The following SHOC1 variants were observed in gnomAD, a reference collection of about 807,000 sequenced individuals.
SHOC1 encodes protein shortage in chiasmata 1 ortholog.
In SHOC1, 136 loss-of-function variants were observed where a neutral mutation model predicts 179.2. The ratio of observed to expected loss-of-function variants is 0.76; its 90% confidence interval spans 0.66 to 0.87. The LOEUF (loss-of-function observed/expected upper bound fraction) is 0.87. Ranked by LOEUF, SHOC1 falls within the 40% of genes least tolerant of loss-of-function variation. The probability of loss-of-function intolerance (pLI) is 0.00; values close to 1 mark genes in which losing one functional copy is unlikely to be tolerated. For missense variants in SHOC1, 1,538 were observed against 1,700.8 expected, an observed-to-expected ratio of 0.90 and a Z score of 1.68; for synonymous variants, 489 against 586.6, an observed-to-expected ratio of 0.83 and a Z score of 2.41.
rs1347625590 is a variant in SHOC1 at position 111,758,156 on chromosome 9, C to G, written c.636G>C (p.Val212=). ...FSLQETLEAF[V]KEDFCMDKVN... ...CTTTATCCATACAAAAATCTTCTTTCACAAAAGCTTCCAAAGTTTCTTGAA... is the reference window on the plus strand; with the variant it reads ...CTTTATCCATACAAAAATCTTCTTTGACAAAAGCTTCCAAAGTTTCTTGAA... Residue 212 remains valine, a synonymous_variant, in exon 7 of 28, where the codon GTG becomes GTC. Coordinates refer to ENST00000682961, the MANE Select transcript of SHOC1 (RefSeq NM_001378211.1). The G allele has an allele frequency of 6.3e-7, 1 of 1,585,982 alleles. No individual in the cohort carries two copies. The highest frequency in any genetic ancestry group is 8.6e-7 in the Non-Finnish European group (1 of 1,165,900).
chr9:111,723,191 AT>A (rs1833146758), intron 14 of SHOC1, among the ~76,000 whole-genome samples: 1 of 152,228 alleles, frequency 6.6e-6, no homozygotes, highest in African/African-American at 2.4e-5. Flanking sequence ...CTGTTAGCAT[AT>A]GATCTTAAGC....
intron 4 of SHOC1, among the ~76,000 whole-genome samples, chr9:111,778,282 A>C (rs1835903349): frequency 6.6e-6 from 1 of 152,118 alleles, no homozygotes; most frequent in African/African-American, 2.4e-5. Flanking sequence ...TTTTTGAGTA[A>C]GTTCATCTAC....
Position 111,706,607 on chromosome 9 carries a change from T to C in SHOC1, c.2698A>G (p.Met900Val), listed in dbSNP as rs1832286907. 2.5e-6 allele frequency: 4 copies of C among 1,597,482 alleles called. No homozygotes were observed. Among genetic ancestry groups the C allele is most frequent in the East Asian group, 4.6e-5 (2 of 43,912 alleles). Residue 900 changes from methionine (M) to valine (V), a missense_variant, in exon 20 of 28, where the codon ATG becomes GTG. Transcript: ENST00000682961. ...TCTGGAAGAATCACTTTAAAGGCCA[T>C]GTAAGGAATATTCAACTCTTTGCAG... ...KHCKELNIPYMAFKVILPDTV... is the reference protein window; with the variant it reads ...KHCKELNIPYVAFKVILPDTV...
At chr9:111,741,287 C>T (rs1834026777) in intron 11 of SHOC1, among the ~76,000 whole-genome samples, 189 bp downstream of exon 11, 1 of 152,112 alleles carries the variant, frequency 6.6e-6, no homozygotes, top group East Asian at 1.9e-4. Flanking sequence ...CAGCAAGATC[C>T]GGATCTTGTC....
intron 8 of SHOC1, among the ~76,000 whole-genome samples, chr9:111,751,316 G>A (rs62572565): frequency 0.076 from 11,535 of 152,162 alleles, 630 homozygotes; most frequent in South Asian, 0.21. Context: ...GGATTATCTT[G>A]GCTATTTGGG....
At chr9:111,693,147 A>C (rs1431776013) in intron 26 of SHOC1, among the ~76,000 whole-genome samples, 1 of 151,764 alleles carries the variant, frequency 6.6e-6, no homozygotes, top group African/African-American at 2.4e-5. Flanking sequence ...CTCTACTAAA[A>C]ATACAAAACT....
At chr9:111,786,903 T>C (rs1836280415) in intron 2 of SHOC1, among the ~76,000 whole-genome samples, 2 of 152,212 alleles carry the variant, frequency 1.3e-5, no homozygotes, top group Admixed American at 6.5e-5. Flanking sequence ...GCTAATGCAG[T>C]TGGTGATTTT....
chr9:111,713,194 A>G (rs1317495729), intron 17 of SHOC1, 22 bp from the exon 18 acceptor site: 3 of 1,278,098 alleles, frequency 2.3e-6, no homozygotes, highest in Admixed American at 4.1e-5. Flanking sequence ...TAAAAATTTC[A>G]TATATATGTG....
In SHOC1 at chr9:111,688,082, T is replaced by TACC. The variant is rs34775934; in HGVS notation, c.4427-1215_4427-1213dup. Reference sequence around the variant, plus strand: ...TGTAAAGCTGTGGGAGAGCCTGGACTACCAGTAGCATTCTGGTAAACGTTT... The same window carrying TACC: ...TGTAAAGCTGTGGGAGAGCCTGGACTACCACCAGTAGCATTCTGGTAAACGTTT... On this transcript the variant is annotated intron_variant, in intron 27 of 27. Coordinates refer to ENST00000682961, the MANE Select transcript of SHOC1 (RefSeq NM_001378211.1). 9.1e-3 allele frequency among the ~76,000 whole-genome samples: 1,383 copies of TACC among 152,298 alleles called. 22 individuals are homozygous for TACC. Among genetic ancestry groups the TACC allele is most frequent in the South Asian group, 0.044 (213 of 4,822 alleles).
At chr9:111,746,162 A>G in intron 10 of SHOC1, 72 bp downstream of exon 10, 1 of 1,013,246 alleles carries the variant, frequency 9.9e-7, no homozygotes, top group Non-Finnish European at 1.5e-6. Flanking sequence ...AATTGCTTTT[A>G]TATGGAGAGA....
chr9:111,738,859 C>T (rs1833919632), intron 11 of SHOC1, among the ~76,000 whole-genome samples: 1 of 152,118 alleles, frequency 6.6e-6, no homozygotes. Context: ...TGAAGTAATA[C>T]AAGCTTTATT....
chr9:111,748,776 T>C (rs1834415430), intron 8 of SHOC1, among the ~76,000 whole-genome samples: 2 of 108,426 alleles, frequency 1.8e-5, no homozygotes, highest in African/African-American at 7.2e-5. Flanking sequence ...CTTCCTTCCT[T>C]CCCTCCCTCC....
intron 14 of SHOC1, among the ~76,000 whole-genome samples, chr9:111,723,413 T>C (rs1201795758): frequency 1.3e-5 from 2 of 152,144 alleles, no homozygotes; most frequent in South Asian, 2.1e-4. Context: ...AAAATCAATA[T>C]AGGAATCAAT....
chr9:111,744,379 T>C (rs563628155), intron 10 of SHOC1, among the ~76,000 whole-genome samples: 16 of 152,348 alleles, frequency 1.1e-4, no homozygotes, highest in Non-Finnish European at 2.2e-4. Context: ...TCTTAGTTCA[T>C]GATAGAACTC....
At chr9:111,706,477 C>T in intron 20 of SHOC1, 91 bp downstream of exon 20, 1 of 985,264 alleles carries the variant, frequency 1.0e-6, no homozygotes, top group East Asian at 2.9e-5. Flanking sequence ...CTTCTAATGT[C>T]ACAGCTTATT....
At chr9:111,728,071 A>T in intron 12 of SHOC1, 22 bp from the exon 13 acceptor site, 1 of 1,504,120 alleles carries the variant, frequency 6.6e-7, no homozygotes, top group Non-Finnish European at 9.0e-7. Context: ...AAATAACAAC[A>T]CACAAGTAAC....
At chr9:111,728,286 T>C (rs542561806) in intron 12 of SHOC1, among the ~76,000 whole-genome samples, 1 of 152,314 alleles carries the variant, frequency 6.6e-6, no homozygotes, top group South Asian at 2.1e-4. Flanking sequence ...AAAGAAGACA[T>C]TCCAGTAAAG....
chr9:111,738,594 A>C (rs10117641), intron 11 of SHOC1, 72 bp from the exon 12 acceptor site: 29,120 of 1,316,212 alleles, frequency 0.022, 1,247 homozygotes, highest in African/African-American at 0.17. Flanking sequence ...CAATAAACAG[A>C]ACCACACTGG....
At chr9:111,764,303 TCTTA>T (rs1835262154) in intron 5 of SHOC1, among the ~76,000 whole-genome samples, 1 of 152,216 alleles carries the variant, frequency 6.6e-6, no homozygotes, top group African/African-American at 2.4e-5. Flanking sequence ...GCTGTTAATC[TCTTA>T]CTGTGCTTAA....
Sources: gnomAD v4.1 joint callset for allele counts (sites outside exome capture counted in the v4.1 genomes callset) on GRCh38, gnomAD v4.1.1 for gene constraint, MANE v1.5 for transcripts, NCBI Gene and HGNC (gene_info 2026-07-23, HGNC 2026-07-21) for gene names.